The following CEP112 variants were observed in gnomAD, a reference collection of about 807,000 sequenced individuals.
CEP112 encodes centrosomal protein of 112 kDa.
A neutral mutation model predicts 153.0 loss-of-function variants in CEP112; 127 were observed. The observed-to-expected ratio is 0.83, with a 90% confidence interval of 0.72 to 0.96. CEP112 has a LOEUF of 0.96. CEP112 is among the 40% of genes least tolerant of loss of function. The pLI, the probability that CEP112 is intolerant of heterozygous loss-of-function variation, is 0.00. For synonymous variants in CEP112, 358 were observed against 374.4 expected (o/e 0.96, Z 0.51); for missense variants, 1,089 against 1,101.2 (o/e 0.99, Z 0.16).
At chr17:65,648,494 G>A (rs2045560656) in intron 24 of CEP112, among the ~76,000 whole-genome samples, 1 of 152,156 alleles carries the variant, frequency 6.6e-6, no homozygotes, top group Non-Finnish European at 1.5e-5. Flanking sequence ...CTTTTAAAGT[G>A]AACTGTGAAG....
chr17:66,144,544 T>G (rs1414881983), intron 4 of CEP112, among the ~76,000 whole-genome samples: 1 of 151,950 alleles, frequency 6.6e-6, no homozygotes, highest in Non-Finnish European at 1.5e-5. Context: ...AATACAAAAT[T>G]TAGCCGGGTA....
intron 4 of CEP112, among the ~76,000 whole-genome samples, chr17:66,165,201 A>G (rs2071899364): frequency 6.6e-6 from 1 of 150,788 alleles, no homozygotes; most frequent in Non-Finnish European, 1.5e-5. Flanking sequence ...GCAATGGCCA[A>G]GCAGAAGATT....
chr17:66,103,507 G>A (rs1356512951), intron 6 of CEP112, among the ~76,000 whole-genome samples: 1 of 152,150 alleles, frequency 6.6e-6, no homozygotes, highest in Non-Finnish European at 1.5e-5. Flanking sequence ...ACTAATAAGA[G>A]TTTGGCAAAG....
chr17:65,802,763 C>T (rs1461073525), intron 21 of CEP112, among the ~76,000 whole-genome samples: 2 of 152,148 alleles, frequency 1.3e-5, no homozygotes, highest in Non-Finnish European at 2.9e-5. Context: ...CATCGTGATG[C>T]CTAACTCATT....
At chr17:65,707,059 C>A (rs1373116163) in intron 23 of CEP112, among the ~76,000 whole-genome samples, 1 of 152,182 alleles carries the variant, frequency 6.6e-6, no homozygotes, top group African/African-American at 2.4e-5. Flanking sequence ...ATTTGGTCCA[C>A]TTCATGCCAT....
At chr17:65,877,480 G>A (rs1201114416) in intron 20 of CEP112, among the ~76,000 whole-genome samples, 1 of 152,158 alleles carries the variant, frequency 6.6e-6, no homozygotes, top group Non-Finnish European at 1.5e-5. Flanking sequence ...CTTGCTCAAG[G>A]AGGCACCCTT....
At chr17:66,107,959 A>G (rs2068856818) in intron 6 of CEP112, among the ~76,000 whole-genome samples, 2 of 152,126 alleles carry the variant, frequency 1.3e-5, no homozygotes. Context: ...ACACACACCA[A>G]TGGAGTAGGA....
intron 18 of CEP112, among the ~76,000 whole-genome samples, chr17:65,936,973 G>A (rs989395701): frequency 3.3e-5 from 5 of 150,604 alleles, no homozygotes; most frequent in South Asian, 2.2e-4. Context: ...ACGTCACCAC[G>A]CCTGACTGGT....
chr17:66,029,284 T>A (rs780081940), intron 13 of CEP112, 32 bp from the exon 14 acceptor site: 1 of 1,590,024 alleles, frequency 6.3e-7, no homozygotes, highest in South Asian at 1.1e-5. Flanking sequence ...AGACTTTCAA[T>A]GTATTTAAAA....
intron 17 of CEP112, among the ~76,000 whole-genome samples, chr17:66,002,201 GC>G (rs201846703): frequency 0.018 from 2,201 of 122,050 alleles, 27 homozygotes; most frequent in Non-Finnish European, 0.023. Context: ...AGTTTCAATT[GC>G]TTGGAGAGAG....
intron 17 of CEP112, among the ~76,000 whole-genome samples, chr17:65,982,745 C>T (rs561792855): frequency 1.1e-4 from 16 of 152,172 alleles, no homozygotes; most frequent in African/African-American, 3.1e-4. Context: ...GGTACTCAAG[C>T]GAGTAATTAT....
intron 4 of CEP112, among the ~76,000 whole-genome samples, chr17:66,146,749 A>G (rs1406213666): frequency 1.3e-5 from 2 of 152,128 alleles, no homozygotes; most frequent in African/African-American, 2.4e-5. Flanking sequence ...GAGACCTCAT[A>G]TAAGTTAAAC....
intron 24 of CEP112, among the ~76,000 whole-genome samples, chr17:65,678,188 T>C (rs963360793): frequency 7.2e-5 from 11 of 152,190 alleles, no homozygotes; most frequent in Non-Finnish European, 1.5e-4. Context: ...TTTCTCTTTC[T>C]ACCTGTTCAC....
intron 23 of CEP112, among the ~76,000 whole-genome samples, chr17:65,705,189 T>C (rs139532843): frequency 1.1e-3 from 173 of 152,342 alleles, no homozygotes; most frequent in African/African-American, 4.1e-3. Flanking sequence ...ACATGGAAAT[T>C]TCATTTGTAT....
At chr17:65,899,485 A>G (rs2059772921) in intron 20 of CEP112, among the ~76,000 whole-genome samples, 1 of 152,158 alleles carries the variant, frequency 6.6e-6, no homozygotes, top group South Asian at 2.1e-4. Context: ...TTGCTCTTTA[A>G]AACAGAAATT....
chr17:65,728,764 G>A (rs923342711), intron 23 of CEP112, among the ~76,000 whole-genome samples: 23 of 152,048 alleles, frequency 1.5e-4, no homozygotes, highest in Non-Finnish European at 3.1e-4. Context: ...CCTACATAGC[G>A]CACTTACCAT....
At chr17:65,648,321 GATA>G (rs1281296024) in intron 24 of CEP112, among the ~76,000 whole-genome samples, 1 of 152,180 alleles carries the variant, frequency 6.6e-6, no homozygotes, top group African/African-American at 2.4e-5. Flanking sequence ...AGGACATTGT[GATA>G]ATGACATTTC....
rs139546059 is a variant in CEP112 at position 65,901,918 on chromosome 17, G to A, written c.2163+234C>T. On this transcript the variant is annotated intron_variant, in intron 20 of 26. Coordinates refer to ENST00000535342, the MANE Select transcript of CEP112 (RefSeq NM_001199165.4). ...ATAAAAAAGGGGGCCAAGTTATAGC[G>A]CGCCATGGGATTTTTAATCTGGCTA... 7.5e-3 allele frequency among the ~76,000 whole-genome samples: 993 copies of A among 131,752 alleles called. 6 individuals carry two copies. Among genetic ancestry groups the A allele is most frequent in the Middle Eastern group, 0.066 (14 of 212 alleles). 86.4% of individuals were successfully genotyped at this position (131,752 alleles called of 152,430 possible).
At chr17:66,060,972 C>T (rs889656428) in intron 11 of CEP112, among the ~76,000 whole-genome samples, 2 of 148,834 alleles carry the variant, frequency 1.3e-5, no homozygotes, top group African/African-American at 4.9e-5. Context: ...AGTGAAAAGG[C>T]AACCTACAGA....
Sources: gnomAD v4.1 joint callset for allele counts (sites outside exome capture counted in the v4.1 genomes callset) on GRCh38, gnomAD v4.1.1 for gene constraint, MANE v1.5 for transcripts, NCBI Gene and HGNC (gene_info 2026-07-23, HGNC 2026-07-21) for gene names.